Variants in TRIP4 observed in about 807,000 individuals in gnomAD.
TRIP4 encodes the protein thyroid hormone receptor interactor 4.
Under a neutral mutation model 81.8 loss-of-function variants are expected in TRIP4, and 54 were observed. The observed-to-expected ratio is 0.66, with a 90% confidence interval of 0.53 to 0.83. TRIP4 has a LOEUF of 0.83. TRIP4 is among the 40% of genes least tolerant of loss of function. The pLI, the probability that TRIP4 is intolerant of heterozygous loss-of-function variation, is 0.00. For synonymous variants in TRIP4, 270 were observed against 242.8 expected (o/e 1.11, Z -1.04); for missense variants, 662 against 683.6 (o/e 0.97, Z 0.35).
At chr15:64,407,571 G>A (rs1412219830) in intron 6 of TRIP4, among the ~76,000 whole-genome samples, 1 of 152,108 alleles carries the variant, frequency 6.6e-6, no homozygotes, top group African/African-American at 2.4e-5. Context: ...GGAGGCTGAG[G>A]CAGGAGAATG....
intron 10 of TRIP4, chr15:64,424,415 TTACTC>T (rs1285977187): frequency 3.2e-5 from 13 of 401,936 alleles, no homozygotes; most frequent in South Asian, 9.8e-5. Flanking sequence ...ATCATCTTCT[TTACTC>T]TAAAGGTAAA....
At chr15:64,427,576 A>C (rs1892176056) in intron 11 of TRIP4, among the ~76,000 whole-genome samples, 1 of 152,072 alleles carries the variant, frequency 6.6e-6, no homozygotes, top group South Asian at 2.1e-4. Flanking sequence ...AGATTTCACC[A>C]TGTTGGCGAA....
intron 9 of TRIP4, 110 bp downstream of exon 9, chr15:64,418,838 C>CCTG: frequency 1.0e-6 from 1 of 1,000,438 alleles, no homozygotes; most frequent in South Asian, 2.2e-5. Context: ...ATTTATAATA[C>CCTG]TCTTCAATAA....
intron 1 of TRIP4, among the ~76,000 whole-genome samples, chr15:64,390,617 G>T (rs1345878251): frequency 6.6e-6 from 1 of 152,064 alleles, no homozygotes; most frequent in Non-Finnish European, 1.5e-5. Context: ...CAGGCCAGGC[G>T]TGGTGGCTCA....
rs1178741927 is a variant in TRIP4 at position 64,405,969 on chromosome 15, G to A, written c.698-361G>A. Among the ~76,000 whole-genome samples the A allele has an allele frequency of 2.0e-5, 3 of 152,218 alleles. No individual in the cohort carries two copies. The East Asian group carries it at 5.8e-4, about 29-fold the overall frequency. ...ATCACACTACTGCACTCCAGACTGG[G>A]CAACAGCATTAGATCCTGTCTTGAA... On this transcript the variant is annotated intron_variant, in intron 5 of 12. Transcript: ENST00000261884.
intron 4 of TRIP4, 106 bp downstream of exon 4, chr15:64,397,924 G>A (rs878930324): frequency 2.6e-5 from 33 of 1,256,496 alleles, no homozygotes; most frequent in African/African-American, 2.6e-4. Context: ...TGGTTGAGAC[G>A]GAGTCTCACT....
In TRIP4 at chr15:64,434,512, G is replaced by T. The variant is rs1892346660; in HGVS notation, c.1575+8881G>T. Among the ~76,000 whole-genome samples the T allele has an allele frequency of 2.6e-5, 4 of 152,238 alleles. No individual in the cohort carries two copies. In the South Asian group the frequency reaches 8.3e-4, roughly 32 times the overall value. ...GACATATCAGTTGTGGGATGGGAAAGAGTGTTTTGAAGTTTTTTTGAGGCA... is the reference window on the plus strand; with the variant it reads ...GACATATCAGTTGTGGGATGGGAAATAGTGTTTTGAAGTTTTTTTGAGGCA... On this transcript the variant is annotated intron_variant, in intron 11 of 12. Transcript: ENST00000261884.
intron 11 of TRIP4, among the ~76,000 whole-genome samples, chr15:64,440,229 A>G (rs533389634): frequency 1.2e-4 from 18 of 151,842 alleles, no homozygotes; most frequent in African/African-American, 4.1e-4. Flanking sequence ...TGAAATCTCA[A>G]AATAATAATT....
intron 4 of TRIP4, 134 bp downstream of exon 4, chr15:64,397,952 G>T: frequency 1.0e-6 from 1 of 961,702 alleles, no homozygotes; most frequent in East Asian, 2.6e-5. Context: ...CCAGGCTGGA[G>T]TGCAGTGGCA....
chr15:64,443,839 T>C (rs868387854), intron 11 of TRIP4, among the ~76,000 whole-genome samples: 87 of 152,050 alleles, frequency 5.7e-4, no homozygotes, highest in African/African-American at 1.9e-3. Flanking sequence ...CTGGGCAACA[T>C]AGAGAGACCC....
At chr15:64,401,948 G>A (rs1218344132) in intron 5 of TRIP4, among the ~76,000 whole-genome samples, 4 of 152,064 alleles carry the variant, frequency 2.6e-5, no homozygotes, top group Non-Finnish European at 5.9e-5. Context: ...GTAGATTAAG[G>A]ATATATATGA....
intron 11 of TRIP4, among the ~76,000 whole-genome samples, chr15:64,438,276 C>G (rs1270997936): frequency 6.6e-6 from 1 of 152,200 alleles, no homozygotes; most frequent in Non-Finnish European, 1.5e-5. Context: ...GTAATAGTCT[C>G]AGAGTGGACT....
At chr15:64,424,374 T>C in intron 10 of TRIP4, 1 of 535,314 alleles carries the variant, frequency 1.9e-6, no homozygotes, top group Non-Finnish European at 3.1e-6. Flanking sequence ...ACACAAGAAA[T>C]CAACTAGTCT....
chr15:64,420,541 T>TC (rs1891989204), intron 9 of TRIP4, among the ~76,000 whole-genome samples: 1 of 151,512 alleles, frequency 6.6e-6, no homozygotes, highest in Non-Finnish European at 1.5e-5. Context: ...TTTTTTTTTT[T>TC]GAAATGAAGT....
At chr15:64,430,466 C>T (rs1391360950) in intron 11 of TRIP4, among the ~76,000 whole-genome samples, 5 of 152,138 alleles carry the variant, frequency 3.3e-5, no homozygotes, top group African/African-American at 1.2e-4. Context: ...TGCATCAAGG[C>T]TGTGGTTTGT....
chr15:64,400,371 G>A (rs1053818858), intron 4 of TRIP4, among the ~76,000 whole-genome samples: 1 of 147,490 alleles, frequency 6.8e-6, no homozygotes, highest in Non-Finnish European at 1.5e-5. Context: ...ATGGGGTTTG[G>A]CCATGTTGCC....
intron 1 of TRIP4, among the ~76,000 whole-genome samples, chr15:64,391,196 G>A (rs779135180): frequency 4.7e-5 from 7 of 150,490 alleles, no homozygotes; most frequent in Admixed American, 2.7e-4. Context: ...TCACTCTGTC[G>A]CCCAGGCTGG....
chr15:64,402,482 A>T (rs1190835466), intron 5 of TRIP4, among the ~76,000 whole-genome samples: 1 of 150,298 alleles, frequency 6.7e-6, no homozygotes, highest in Non-Finnish European at 1.5e-5. Context: ...CAGCCTCCCA[A>T]AGTGCTGGGA....
chr15:64,418,662 T>C lies in TRIP4; in HGVS notation c.1292T>C (p.Phe431Ser). ...RIQDQEFQEG[F>S]DGGWCLSVHQ... ...CAGGATCAAGAATTTCAGGAAGGCT[T>C]TGATGGTGGCTGGTGCCTCTCTGTA... Residue 431 changes from phenylalanine to serine, a missense_variant, in exon 9 of 13, where the codon TTT becomes TCT. Physicochemically the swap from Phe to Ser is radical, Grantham distance 155. Coordinates refer to ENST00000261884, the MANE Select transcript of TRIP4 (RefSeq NM_016213.5). The C allele has an allele frequency of 6.2e-7, 1 of 1,614,054 alleles. No individual in the cohort carries two copies. The highest frequency in any genetic ancestry group is 8.5e-7 in the Non-Finnish European group (1 of 1,180,020).
Sources: gnomAD v4.1 joint callset for allele counts (sites outside exome capture counted in the v4.1 genomes callset) on GRCh38, gnomAD v4.1.1 for gene constraint, MANE v1.5 for transcripts, NCBI Gene and HGNC (gene_info 2026-07-23, HGNC 2026-07-21) for gene names.